PTP4A2: variants seen among roughly 807,000 people sequenced by gnomAD.
PTP4A2 encodes the protein protein tyrosine phosphatase type IVA 2.
In PTP4A2, 2 loss-of-function variants were observed where a neutral mutation model predicts 22.9. The ratio of observed to expected loss-of-function variants is 0.09; its 90% CI spans 0.04 to 0.27. PTP4A2 has a LOEUF of 0.27. Among genes scored for constraint, PTP4A2 ranks in the 10% least tolerant of loss-of-function variants. The pLI, the probability that PTP4A2 is intolerant of heterozygous loss-of-function variation, is 1.00. For missense variants in PTP4A2, 103 were observed against 205.1 expected, an observed-to-expected ratio of 0.50 and a Z score of 3.04; for synonymous variants, 68 against 69.1, an observed-to-expected ratio of 0.98 and a Z score of 0.08.
intron 1 of PTP4A2, among the ~76,000 whole-genome samples, chr1:31,924,323 C>G (rs1413938495): frequency 2.0e-5 from 3 of 152,338 alleles, no homozygotes; most frequent in Admixed American, 6.5e-5. Context: ...ACAGTATGTT[C>G]TAGCACTTTT....
intron 1 of PTP4A2, among the ~76,000 whole-genome samples, chr1:31,927,284 T>C (rs980182622): frequency 2.6e-5 from 4 of 152,162 alleles, no homozygotes; most frequent in Admixed American, 6.5e-5. Flanking sequence ...TTCTCACTTA[T>C]AAGTGGGAGC....
intron 1 of PTP4A2, among the ~76,000 whole-genome samples, chr1:31,927,048 T>C (rs772636291): frequency 7.9e-5 from 12 of 152,054 alleles, no homozygotes; most frequent in Non-Finnish European, 8.8e-5. Flanking sequence ...ATGGAATGAA[T>C]AGAGTCAGAG....
Position 31,907,567 on chromosome 1 carries a change from T to A in PTP4A2, c.*1285A>T, listed in dbSNP as rs1194566465. On this transcript the variant is annotated 3_prime_UTR_variant, in exon 6 of 6. Transcript: ENST00000647444. ...TCATTGTTGGTTTTAAACCAGGGAT[T>A]TTTTTTTTTTAATCTCAAAAAACCT... 1.4e-5 allele frequency: 2 copies of A among 147,640 alleles called. No homozygotes were observed. Among genetic ancestry groups the A allele is most frequent in the Non-Finnish European group, 3.0e-5 (2 of 66,556 alleles). The allele number at this position is 147,640 out of a possible 1,614,324, so 9.1% of individuals were successfully genotyped here. A position where few individuals can be genotyped will look rare whatever the true frequency, so the allele number is the denominator to read the frequency against.
chr1:31,911,622 C>T, intron 4 of PTP4A2, 74 bp downstream of exon 4: 1 of 1,377,590 alleles, frequency 7.3e-7, no homozygotes, highest in Non-Finnish European at 9.6e-7. Context: ...AAATGTCTAC[C>T]AAAGTGAAAC....
Position 31,926,832 on chromosome 1 carries a change from A to AG in PTP4A2, c.-593-7175dup, listed in dbSNP as rs112081921. On this transcript the variant is annotated intron_variant, in intron 1 of 5. Transcript: ENST00000647444. ...TAGGGGAATTAGCAGTGCCAGAGGG[A>AG]GGGGGGTTCCAATTTTAAATAAGGC... is the stretch of plus-strand genomic sequence containing the variant. Among the ~76,000 whole-genome samples, 219 of 152,272 alleles carry AG rather than the reference A, an allele frequency of 1.4e-3. 1 individual carries two copies. Among genetic ancestry groups the AG allele is most frequent in the African/African-American group, 4.8e-3 (201 of 41,564 alleles).
chr1:31,937,360 G>C (rs929797732), intron 1 of PTP4A2, among the ~76,000 whole-genome samples: 4 of 151,838 alleles, frequency 2.6e-5, no homozygotes, highest in African/African-American at 9.7e-5. Flanking sequence ...GAAGACCCAC[G>C]GACAAGATGC....
At chr1:31,926,223 A>G (rs1652457850) in intron 1 of PTP4A2, among the ~76,000 whole-genome samples, 1 of 150,618 alleles carries the variant, frequency 6.6e-6, no homozygotes, top group African/African-American at 2.4e-5. Context: ...TCATCCCTTT[A>G]CATTTCCAAA....
At chr1:31,927,222 G>A (rs1403822180) in intron 1 of PTP4A2, among the ~76,000 whole-genome samples, 1 of 152,174 alleles carries the variant, frequency 6.6e-6, no homozygotes, top group Non-Finnish European at 1.5e-5. Context: ...TGCAGCTGGA[G>A]GCCATTATCC....
chr1:31,926,135 TAAA>T (rs138462840), intron 1 of PTP4A2, among the ~76,000 whole-genome samples: 1 of 120,578 alleles, frequency 8.3e-6, no homozygotes, highest in African/African-American at 3.0e-5. Context: ...TTCAAAAAAT[TAAA>T]AAAAAAAAAA....
Position 31,907,224 on chromosome 1 carries a change from G to A in PTP4A2, c.*1628C>T, listed in dbSNP as rs1260195457. 1 of 152,214 alleles carries A rather than the reference G, an allele frequency of 6.6e-6. No homozygotes were observed. 9.4% of individuals were successfully genotyped at this position (152,214 alleles called of 1,614,324 possible). ...GGCTCTGCACAGCAAATTCCAGCAG[G>A]ACAAGATGACTTTAAGCCCGTATTC... On this transcript the variant is annotated 3_prime_UTR_variant, in exon 6 of 6. Coordinates refer to ENST00000647444, the MANE Select transcript of PTP4A2 (RefSeq NM_080391.4).
intron 2 of PTP4A2, 150 bp from the exon 3 acceptor site, chr1:31,916,137 G>A (rs1031928875): frequency 3.7e-5 from 20 of 540,044 alleles, no homozygotes; most frequent in Non-Finnish European, 6.6e-5. Flanking sequence ...ACAAGGTAAG[G>A]AGTTCGAGAC....
intron 1 of PTP4A2, among the ~76,000 whole-genome samples, chr1:31,934,173 G>A (rs548319330): frequency 1.6e-4 from 24 of 152,086 alleles, no homozygotes; most frequent in African/African-American, 4.6e-4. Flanking sequence ...CAGGAGAATC[G>A]CTTGAACCCA....
At chr1:31,925,062 C>A (rs1652382981) in intron 1 of PTP4A2, among the ~76,000 whole-genome samples, 1 of 152,168 alleles carries the variant, frequency 6.6e-6, no homozygotes, top group South Asian at 2.1e-4. Context: ...CATTCATGCA[C>A]ATGGGATATC....
chr1:31,917,314 A>G (rs1185956965), intron 2 of PTP4A2, among the ~76,000 whole-genome samples: 1 of 152,244 alleles, frequency 6.6e-6, no homozygotes, highest in Non-Finnish European at 1.5e-5. Context: ...ATATCCTATA[A>G]GAAGGGTCCA....
At chr1:31,910,275 T>G (rs888076604) in intron 4 of PTP4A2, 163 bp from the exon 5 acceptor site, 14 of 553,660 alleles carry the variant, frequency 2.5e-5, no homozygotes, top group Non-Finnish European at 3.5e-5. Context: ...TCATCATCAT[T>G]AATTCTATGA....
chr1:31,926,277 T>C (rs934483324), intron 1 of PTP4A2, among the ~76,000 whole-genome samples: 23 of 151,524 alleles, frequency 1.5e-4, no homozygotes, highest in African/African-American at 5.6e-4. Flanking sequence ...GCTACGCCAG[T>C]ATTCACCAAA....
In PTP4A2 at chr1:31,907,831, A is replaced by T. The variant is rs1651259579; in HGVS notation, c.*1021T>A. On this transcript the variant is annotated 3_prime_UTR_variant, in exon 6 of 6. Transcript: ENST00000647444. ...GCCCACAATTCTACAGGGTGTAAAA[A>T]GTACGCTCACTGCCTGGACATCTTT... is the stretch of plus-strand genomic sequence containing the variant. The T allele has an allele frequency of 6.6e-6, 1 of 151,920 alleles. No homozygotes were observed. The highest frequency in any genetic ancestry group is 2.1e-4 in the South Asian group (1 of 4,830). 9.4% of individuals were successfully genotyped at this position (151,920 alleles called of 1,614,324 possible). A position where few individuals can be genotyped will look rare whatever the true frequency, so the allele number is the denominator to read the frequency against.
At chr1:31,925,091 A>T (rs182765638) in intron 1 of PTP4A2, among the ~76,000 whole-genome samples, 71 of 152,306 alleles carry the variant, frequency 4.7e-4, no homozygotes, top group African/African-American at 1.7e-3. Flanking sequence ...TACAAAGATA[A>T]GAGATAACAG....
At chr1:31,926,672 T>G (rs556015714) in intron 1 of PTP4A2, among the ~76,000 whole-genome samples, 2 of 152,194 alleles carry the variant, frequency 1.3e-5, no homozygotes, top group Non-Finnish European at 2.9e-5. Flanking sequence ...TTACAGAACA[T>G]GTACTATGGG....
Sources: allele counts gnomAD v4.1 joint callset (sites outside exome capture counted in the v4.1 genomes callset), GRCh38; gene constraint gnomAD v4.1.1; transcripts MANE v1.5; gene names NCBI Gene and HGNC (gene_info 2026-07-23, HGNC 2026-07-21).